LRRTM4: variants seen among roughly 807,000 people sequenced by gnomAD.
LRRTM4 encodes leucine-rich repeat transmembrane neuronal protein 4.
Under a neutral mutation model 47.6 loss-of-function variants are expected in LRRTM4, and 25 were observed. The ratio of observed to expected loss-of-function variants is 0.53; its 90% CI spans 0.38 to 0.73. The LOEUF (loss-of-function observed/expected upper bound fraction) is 0.73. LRRTM4 is among the 30% of genes least tolerant of loss of function. The pLI, the probability that LRRTM4 is intolerant of heterozygous loss-of-function variation, is 0.00. For missense variants in LRRTM4, 638 were observed against 713.4 expected (o/e 0.89, Z 1.20); for synonymous variants, 311 against 269.5 (o/e 1.15, Z -1.51).
intron 3 of LRRTM4, among the ~76,000 whole-genome samples, chr2:77,435,462 C>A (rs182200082): frequency 5.3e-4 from 81 of 152,206 alleles, no homozygotes; most frequent in African/African-American, 1.8e-3. Flanking sequence ...TGTGCATATT[C>A]TTTAATTTCT....
At chr2:77,029,803 GA>G (rs1157544689) in intron 3 of LRRTM4, among the ~76,000 whole-genome samples, 1 of 152,152 alleles carries the variant, frequency 6.6e-6, no homozygotes, top group Non-Finnish European at 1.5e-5. Flanking sequence ...TGTAAAAAAG[GA>G]ATCATCATCT....
At chr2:76,961,556 C>A (rs1298276477) in intron 3 of LRRTM4, among the ~76,000 whole-genome samples, 3 of 151,292 alleles carry the variant, frequency 2.0e-5, no homozygotes, top group Non-Finnish European at 4.4e-5. Flanking sequence ...AAAGAAGCAT[C>A]CTGGGCAACC....
chr2:77,400,479 C>T (rs1354405119), intron 3 of LRRTM4, among the ~76,000 whole-genome samples: 1 of 151,904 alleles, frequency 6.6e-6, no homozygotes, highest in East Asian at 1.9e-4. Context: ...GAGTTCAATA[C>T]CCAAAGTATT....
At chr2:76,864,435 A>G (rs1288960050) in intron 3 of LRRTM4, among the ~76,000 whole-genome samples, 1 of 152,134 alleles carries the variant, frequency 6.6e-6, no homozygotes, top group Non-Finnish European at 1.5e-5. Flanking sequence ...AGGCGGGCGG[A>G]TCATCTGAGG....
At chr2:76,792,262 A>C (rs1288687819) in intron 3 of LRRTM4, among the ~76,000 whole-genome samples, 4 of 152,182 alleles carry the variant, frequency 2.6e-5, no homozygotes, top group Admixed American at 1.3e-4. Flanking sequence ...CAAAATAACC[A>C]TTAAAAAAAC....
At chr2:76,837,637 G>C (rs897446209) in intron 3 of LRRTM4, among the ~76,000 whole-genome samples, 1 of 152,034 alleles carries the variant, frequency 6.6e-6, no homozygotes, top group Non-Finnish European at 1.5e-5. Flanking sequence ...ACATGCACAC[G>C]CATGTTTATT....
intron 3 of LRRTM4, among the ~76,000 whole-genome samples, chr2:77,248,680 A>T (rs1239065345): frequency 6.6e-6 from 1 of 152,178 alleles, no homozygotes; most frequent in Non-Finnish European, 1.5e-5. Flanking sequence ...ACAGTATGGT[A>T]CTGGCAAAAT....
intron 3 of LRRTM4, among the ~76,000 whole-genome samples, chr2:77,356,585 C>T (rs950245602): frequency 7.9e-5 from 12 of 152,054 alleles, no homozygotes; most frequent in Admixed American, 4.6e-4. Flanking sequence ...TAGAGAAATG[C>T]TGTTAAAATG....
intron 3 of LRRTM4, among the ~76,000 whole-genome samples, chr2:77,453,905 A>G (rs1676363062): frequency 6.6e-6 from 1 of 151,666 alleles, no homozygotes; most frequent in African/African-American, 2.4e-5. Flanking sequence ...TACTGGCCAA[A>G]TTTTTGTAAT....
At chr2:77,075,837 C>T (rs1017644774) in intron 3 of LRRTM4, among the ~76,000 whole-genome samples, 12 of 136,022 alleles carry the variant, frequency 8.8e-5, no homozygotes, top group Non-Finnish European at 1.7e-4. Context: ...ATGGCGTGAA[C>T]CCGGGAGGCA....
chr2:77,062,243 A>T (rs1270594690), intron 3 of LRRTM4, among the ~76,000 whole-genome samples: 1 of 152,192 alleles, frequency 6.6e-6, no homozygotes, highest in Non-Finnish European at 1.5e-5. Context: ...ATAATTCTAA[A>T]ATCTACCAAA....
rs1318273425 is a variant in LRRTM4, at chr2:77,518,577, G to C, written c.1292C>G (p.Ala431Gly). The change falls in exon 3 of 4, where the codon GCT becomes GGT. Residue 431 changes from alanine to glycine, a missense_variant. Ala to Gly is a moderately conservative substitution (Grantham distance 60). Coordinates refer to ENST00000409884, the MANE Select transcript of LRRTM4 (RefSeq NM_001134745.3). ...GATCATGGCCACTGAGAGAAAGAGAGCCACACTCCCGGCAATAATTTTGTG... is the reference window on the plus strand; with the variant it reads ...GATCATGGCCACTGAGAGAAAGAGACCCACACTCCCGGCAATAATTTTGTG... ...SFHKIIAGSVALFLSVAMILL... is the reference protein window; with the variant it reads ...SFHKIIAGSVGLFLSVAMILL... 1.2e-6 allele frequency: 2 copies of C among 1,613,462 alleles called. No homozygotes were observed. Among genetic ancestry groups the C allele is most frequent in the East Asian group, 4.5e-5 (2 of 44,832 alleles).
At chr2:77,291,677 A>T (rs66461062) in intron 3 of LRRTM4, among the ~76,000 whole-genome samples, 26,969 of 152,008 alleles carry the variant, frequency 0.18, 2,650 homozygotes, top group East Asian at 0.43. Context: ...TGACCATTAT[A>T]TTTTAGCACC....
intron 2 of LRRTM4, among the ~76,000 whole-genome samples, 158 bp downstream of exon 2, chr2:77,521,510 C>A (rs1287340965): frequency 1.3e-5 from 2 of 151,580 alleles, no homozygotes; most frequent in African/African-American, 4.8e-5. Context: ...GGAAAATGAT[C>A]TAAAAATATA....
In LRRTM4 at chr2:76,796,994, G is replaced by T. The variant is rs140111736; in HGVS notation, c.1552-48078C>A. ...AAGACCAAATCTACATCTGATTGGAGTACCTGAAAGTGATGGGGAGAATGC... is the reference window on the plus strand; with the variant it reads ...AAGACCAAATCTACATCTGATTGGATTACCTGAAAGTGATGGGGAGAATGC... On this transcript the variant is annotated intron_variant, in intron 3 of 3. Transcript: ENST00000409884. 2.6e-3 allele frequency among the ~76,000 whole-genome samples: 393 copies of T among 152,242 alleles called. 2 individuals carry two copies. The highest frequency in any genetic ancestry group is 9.1e-3 in the African/African-American group (377 of 41,558).
intron 3 of LRRTM4, among the ~76,000 whole-genome samples, chr2:77,396,407 G>T (rs896228955): frequency 6.6e-6 from 1 of 151,818 alleles, no homozygotes; most frequent in Admixed American, 6.6e-5. Context: ...GTTTTTACAG[G>T]TAGGAAGTGT....
At chr2:76,770,128 G>A (rs961179583) in intron 3 of LRRTM4, among the ~76,000 whole-genome samples, 2 of 152,118 alleles carry the variant, frequency 1.3e-5, no homozygotes, top group Admixed American at 6.6e-5. Context: ...AAATAAAAGG[G>A]AAATGTAAGT....
chr2:77,109,219 C>G (rs1421537524), intron 3 of LRRTM4, among the ~76,000 whole-genome samples: 1 of 151,926 alleles, frequency 6.6e-6, no homozygotes. Context: ...TTAATGACTA[C>G]CAAATTCAGG....
chr2:77,037,123 A>T (rs1165539074), intron 3 of LRRTM4, among the ~76,000 whole-genome samples: 3 of 151,704 alleles, frequency 2.0e-5, no homozygotes, highest in Non-Finnish European at 4.4e-5. Flanking sequence ...ACGGGGTTCC[A>T]CTGCTAGGCT....
Sources: gnomAD v4.1 joint callset for allele counts (sites outside exome capture counted in the v4.1 genomes callset) on GRCh38, gnomAD v4.1.1 for gene constraint, MANE v1.5 for transcripts, NCBI Gene and HGNC (gene_info 2026-07-23, HGNC 2026-07-21) for gene names.